Variants in PLB1 observed in about 807,000 individuals in gnomAD.
PLB1 encodes the protein phospholipase B1, also known as phospholipase B1, membrane-associated.
A neutral mutation model predicts 227.4 loss-of-function variants in PLB1; 242 were observed. The observed-to-expected ratio is 1.06, with a 90% CI of 0.96 to 1.18. PLB1 has a LOEUF of 1.18. Ranked by LOEUF, PLB1 falls within the 50% of genes most tolerant of loss-of-function variation. The pLI is 0.00. For synonymous variants in PLB1, 757 were observed against 682.2 expected, an observed-to-expected ratio of 1.11 and a Z score of -1.71; for missense variants, 1,858 against 1,816.3, an observed-to-expected ratio of 1.02 and a Z score of -0.42.
intron 1 of PLB1, among the ~76,000 whole-genome samples, chr2:28,501,254 T>C (rs1016739407): frequency 6.6e-6 from 1 of 152,226 alleles, no homozygotes; most frequent in Non-Finnish European, 1.5e-5. Context: ...CATCAATGAA[T>C]TTACTCACTT....
Position 28,540,387 on chromosome 2 carries a change from T to C in PLB1, c.720T>C (p.Asn240=), listed in dbSNP as rs1558704648. The part of the protein sequence containing the change: ...TWLSPAPEPC[N]CSEETTRLAK... ...GCAGCCCTGCACCAGAGCCCTGTAATTGCTCAGAGGAGACCACCCGGCTGG... is the reference window on the plus strand; with the variant it reads ...GCAGCCCTGCACCAGAGCCCTGTAACTGCTCAGAGGAGACCACCCGGCTGG... Residue 240 remains asparagine, a synonymous_variant, in exon 12 of 58, where the codon AAT becomes AAC. Transcript: ENST00000327757. 1.9e-6 allele frequency: 3 copies of C among 1,614,002 alleles called. No individual in the cohort carries two copies. Among genetic ancestry groups the C allele is most frequent in the Non-Finnish European group, 1.7e-6 (2 of 1,179,972 alleles).
In PLB1 at chr2:28,538,337, G is replaced by A. The variant is rs149462466; in HGVS notation, c.574G>A (p.Gly192Ser). ...CTCACAGAATGGGCTTGCGGCGGGC[G>A]GCGTGGATGAGCTGATGGGGGTGCT... ...SAQQNGLAAG[G>S]VDELMGVLDY... The change falls in exon 10 of 58, where the codon GGC (glycine) becomes AGC (serine). Residue 192 changes from glycine (G) to serine (S), a missense_variant. Gly to Ser is a moderately conservative substitution (Grantham distance 56). Coordinates refer to ENST00000327757, the MANE Select transcript of PLB1 (RefSeq NM_153021.5). The A allele has an allele frequency of 5.5e-5, 88 of 1,613,160 alleles. 1 individual carries two copies. The highest frequency in any genetic ancestry group is 1.7e-4 in the Middle Eastern group (1 of 6,020).
Position 28,553,005 on chromosome 2 carries a change from A to T in PLB1, c.1147+14A>T, listed in dbSNP as rs1444405121. The T allele has an allele frequency of 6.2e-7, 1 of 1,610,454 alleles. No homozygotes were observed. Among genetic ancestry groups the T allele is most frequent in the Non-Finnish European group, 8.5e-7 (1 of 1,176,854 alleles). ...TTCCCACCTCAGGTACACAGCTTGCACCCAGTGATTTTAAAATTCATTCGA... is the reference window on the plus strand; with the variant it reads ...TTCCCACCTCAGGTACACAGCTTGCTCCCAGTGATTTTAAAATTCATTCGA... On this transcript the variant is annotated intron_variant, in intron 17 of 57. Coordinates refer to ENST00000327757, the MANE Select transcript of PLB1 (RefSeq NM_153021.5).
chr2:28,629,927 G>T (rs777809372), intron 53 of PLB1, among the ~76,000 whole-genome samples: 3 of 152,208 alleles, frequency 2.0e-5, no homozygotes, highest in Non-Finnish European at 4.4e-5. Flanking sequence ...GGGAGCTGAG[G>T]AGTCCTACAC....
chr2:28,601,469 CCACACA>C (rs3071740), intron 37 of PLB1, 137 bp downstream of exon 37: 109 of 600,036 alleles, frequency 1.8e-4, no homozygotes, highest in African/African-American at 8.2e-4. Context: ...TATACACATA[CCACACA>C]CACACACACA....
chr2:28,610,569 G>T lies in PLB1; in HGVS notation c.3130-3462G>T, dbSNP rs545389338. ...CCAGCTGAGAGTCTTCTCAGTTCCA[G>T]CCACTCATTGCACACATGGCTGCCA... On this transcript the variant is annotated intron_variant, in intron 43 of 57. Transcript: ENST00000327757. Among the ~76,000 whole-genome samples the T allele has an allele frequency of 5.9e-5, 9 of 152,278 alleles. No homozygotes were observed. In the South Asian group the frequency reaches 1.5e-3, roughly 25 times the overall value.
chr2:28,551,468 G>C (rs1006340030), intron 16 of PLB1, among the ~76,000 whole-genome samples: 1 of 152,222 alleles, frequency 6.6e-6, no homozygotes, highest in Non-Finnish European at 1.5e-5. Context: ...TTATGGAAAA[G>C]GGTGAGATTT....
chr2:28,591,836 C>T (rs1197724482), intron 31 of PLB1, 76 bp downstream of exon 31: 5 of 1,409,236 alleles, frequency 3.5e-6, no homozygotes, highest in Non-Finnish European at 5.0e-6. Flanking sequence ...TCTGACCTGA[C>T]TTTCACACTC....
rs1366886943 is a variant in PLB1 at position 28,496,138 on chromosome 2, C to T, written c.24C>T (p.Phe8=). The part of the protein sequence containing the change: MGLRPGI[F]LLELLLLLGQ... ...GCATGGGGCTGCGGCCAGGCATTTT[C>T]CTCCTGGAGCTGCTGCTGCTTCTGG... Residue 8 remains phenylalanine (F), a synonymous_variant, in exon 1 of 58, where the codon TTC becomes TTT. Coordinates refer to ENST00000327757, the MANE Select transcript of PLB1 (RefSeq NM_153021.5). 6.8e-6 allele frequency: 11 copies of T among 1,614,122 alleles called. No homozygotes were observed. In the South Asian group the frequency reaches 1.2e-4, roughly 18 times the overall value.
At chr2:28,615,250 G>A (rs559272728) in intron 44 of PLB1, among the ~76,000 whole-genome samples, 12 of 152,170 alleles carry the variant, frequency 7.9e-5, no homozygotes, top group Admixed American at 7.2e-4. Flanking sequence ...GGTGGAGAGT[G>A]GGGGAAATGA....
intron 15 of PLB1, 98 bp downstream of exon 15, chr2:28,549,029 G>A (rs1050090739): frequency 1.9e-6 from 2 of 1,056,808 alleles, no homozygotes; most frequent in Non-Finnish European, 2.9e-6. Context: ...TACCTGAGAT[G>A]TGAATCCTGT....
chr2:28,520,256 G>A (rs971662741), intron 4 of PLB1, among the ~76,000 whole-genome samples: 1 of 151,034 alleles, frequency 6.6e-6, no homozygotes, highest in African/African-American at 2.4e-5. Flanking sequence ...TAAATCAAAT[G>A]AATGCCTCTC....
At chr2:28,621,091 G>C (rs1686992768) in intron 49 of PLB1, 113 bp downstream of exon 49, 1 of 813,780 alleles carries the variant, frequency 1.2e-6, no homozygotes, top group African/African-American at 1.7e-5. Flanking sequence ...GGCAATAGCA[G>C]CTGTGCAGGA....
Position 28,511,788 on chromosome 2 carries a change from C to CTTTTTTTTTTTTTTTTTTTTTTT in PLB1, c.56-5006_56-5005insTTTTTTTTTTTTTTTTTTTTTTT, listed in dbSNP as rs59137589. ...TTTGGGAAGTTTTCAGCCATTTTAT[C>CTTTTTTTTTTTTTTTTTTTTTTT]TTTTTTTTTTTTTTGAGATGGAGTT... On this transcript the variant is annotated intron_variant, in intron 1 of 57. Transcript: ENST00000327757. Among the ~76,000 whole-genome samples the CTTTTTTTTTTTTTTTTTTTTTTT allele has an allele frequency of 2.3e-5, 3 of 132,672 alleles. 1 individual carries two copies. The highest frequency in any genetic ancestry group is 8.5e-5 in the African/African-American group (3 of 35,394). 87.0% of individuals were successfully genotyped at this position (132,672 alleles called of 152,430 possible).
intron 1 of PLB1, among the ~76,000 whole-genome samples, chr2:28,509,614 G>C (rs575468078): frequency 6.6e-6 from 1 of 152,192 alleles, no homozygotes; most frequent in Non-Finnish European, 1.5e-5. Context: ...GTTTCTCAGA[G>C]CATACACAAG....
intron 46 of PLB1, among the ~76,000 whole-genome samples, chr2:28,618,955 C>T (rs1558930576): frequency 6.6e-6 from 1 of 152,218 alleles, no homozygotes. Context: ...CATAGCCCCC[C>T]AGCAACCTGT....
chr2:28,601,098 T>A (rs1173827748), intron 36 of PLB1, among the ~76,000 whole-genome samples, 154 bp from the exon 37 acceptor site: 1 of 152,166 alleles, frequency 6.6e-6, no homozygotes, highest in Non-Finnish European at 1.5e-5. Flanking sequence ...CTGTGGTCTA[T>A]AAATAAACCT....
chr2:28,632,885 T>C, intron 55 of PLB1, 59 bp from the exon 56 acceptor site: 2 of 1,275,098 alleles, frequency 1.6e-6, no homozygotes, highest in Non-Finnish European at 2.3e-6. Flanking sequence ...GGAGAGTGAG[T>C]GGGGCTCAGG....
intron 9 of PLB1, among the ~76,000 whole-genome samples, chr2:28,537,505 A>G (rs1454637736): frequency 6.6e-6 from 1 of 152,056 alleles, no homozygotes; most frequent in Non-Finnish European, 1.5e-5. Context: ...AGCCTGGCCA[A>G]CATGGTGAAA....
Sources: gnomAD v4.1 joint callset for allele counts (sites outside exome capture counted in the v4.1 genomes callset) on GRCh38, gnomAD v4.1.1 for gene constraint, MANE v1.5 for transcripts, NCBI Gene and HGNC (gene_info 2026-07-23, HGNC 2026-07-21) for gene names.